BCL9: variants seen among roughly 807,000 people sequenced by gnomAD.
The protein encoded by BCL9 is B-cell CLL/lymphoma 9 protein.
In BCL9, 25 loss-of-function variants were observed where a neutral mutation model predicts 88.5. The ratio of observed to expected loss-of-function variants is 0.28; its 90% CI spans 0.21 to 0.39. The LOEUF is 0.39. Ranked by LOEUF, BCL9 falls within the 10% of genes least tolerant of loss-of-function variation. The pLI, the probability that BCL9 is intolerant of heterozygous loss-of-function variation, is 1.00. For missense variants in BCL9, 1,817 were observed against 1,877.8 expected (o/e 0.97, Z 0.60); for synonymous variants, 711 against 673.3 (o/e 1.06, Z -0.87).
At chr1:147,551,215 A>G (rs1553194773) in intron 1 of BCL9, among the ~76,000 whole-genome samples, 1 of 152,196 alleles carries the variant, frequency 6.6e-6, no homozygotes, top group Non-Finnish European at 1.5e-5. Flanking sequence ...TGCGGTCTAG[A>G]GAGTATAACT....
At position 147,622,255 on chromosome 1, in the gene BCL9, T is replaced by C; in HGVS notation, c.2903-16T>C. On this transcript the variant is annotated splice_polypyrimidine_tract_variant and intron_variant, in intron 8 of 9. Coordinates refer to ENST00000234739, the MANE Select transcript of BCL9 (RefSeq NM_004326.4). ...CTAATTCCCTGCCCGTTTTGTTTTA[T>C]TTTGCTTCCTTTTAGGTGGCCCCCC... 6.2e-7 allele frequency: 1 copy of C among 1,613,660 alleles called. No individual in the cohort carries two copies. Among genetic ancestry groups the C allele is most frequent in the Non-Finnish European group, 8.5e-7 (1 of 1,179,730 alleles).
intron 3 of BCL9, among the ~76,000 whole-genome samples, chr1:147,609,136 T>G (rs1285916368): frequency 6.6e-6 from 1 of 152,142 alleles, no homozygotes; most frequent in Non-Finnish European, 1.5e-5. Context: ...TTAGGAGATG[T>G]AGTTATGTTG....
chr1:147,617,458 C>G (rs1484765644), intron 7 of BCL9, among the ~76,000 whole-genome samples: 3 of 152,176 alleles, frequency 2.0e-5, no homozygotes, highest in South Asian at 4.1e-4. Context: ...GACCTCTACA[C>G]TCCAGTTAGG....
intron 1 of BCL9, among the ~76,000 whole-genome samples, chr1:147,597,495 T>C (rs781968252): frequency 3.3e-5 from 5 of 152,154 alleles, no homozygotes; most frequent in African/African-American, 4.8e-5. Context: ...ATTTCTAGAG[T>C]AGCAGTACCA....
At chr1:147,568,288 C>G (rs1173339035) in intron 1 of BCL9, among the ~76,000 whole-genome samples, 1 of 152,152 alleles carries the variant, frequency 6.6e-6, no homozygotes, top group Non-Finnish European at 1.5e-5. Flanking sequence ...TAAAATCTAA[C>G]AGCAAAATCT....
rs1482076166 is a variant in BCL9, at chr1:147,626,180, G to A, written c.*1221G>A. The A allele has an allele frequency of 1.5e-5, 3 of 196,478 alleles. No individual in the cohort carries two copies. The highest frequency in any genetic ancestry group is 3.2e-5 in the Non-Finnish European group (3 of 94,584). 12.2% of individuals were successfully genotyped at this position (196,478 alleles called of 1,614,324 possible). A position where few individuals can be genotyped will look rare whatever the true frequency, so the allele number is the denominator to read the frequency against. On this transcript the variant is annotated 3_prime_UTR_variant, in exon 10 of 10. Coordinates refer to ENST00000234739, the MANE Select transcript of BCL9 (RefSeq NM_004326.4). ...GTACAAAACCACTCGCCAGAGCTGT[G>A]GTGTCAGAAAAATAAAATATATTGT... is the stretch of plus-strand genomic sequence containing the variant.
At chr1:147,566,163 A>G (rs587664117) in intron 1 of BCL9, among the ~76,000 whole-genome samples, 3 of 152,298 alleles carry the variant, frequency 2.0e-5, no homozygotes, top group African/African-American at 4.8e-5. Flanking sequence ...AAGCATTTCT[A>G]AAGACAACAG....
chr1:147,576,232 T>C (rs1656106273), intron 1 of BCL9, among the ~76,000 whole-genome samples: 1 of 152,190 alleles, frequency 6.6e-6, no homozygotes, highest in Admixed American at 6.5e-5. Context: ...AATTAGTAGA[T>C]GATACTTGCA....
rs1294387421 is a variant in BCL9, at chr1:147,625,794, T to TCTCTCTTTCCCTTTGGCA, written c.*836_*853dup. ...CCCCGCTGGTGACCCTCTGCTTCCCTCTCTCTTTCCCTTTGGCAGCTGCAA... is the reference window on the plus strand; with the variant it reads ...CCCCGCTGGTGACCCTCTGCTTCCCTCTCTCTTTCCCTTTGGCACTCTCTTTCCCTTTGGCAGCTGCAA... On this transcript the variant is annotated 3_prime_UTR_variant, in exon 10 of 10. Coordinates refer to ENST00000234739, the MANE Select transcript of BCL9 (RefSeq NM_004326.4). The TCTCTCTTTCCCTTTGGCA allele has an allele frequency of 2.2e-4, 51 of 232,916 alleles. No individual in the cohort carries two copies. The highest frequency in any genetic ancestry group is 3.6e-4 in the South Asian group (2 of 5,524). 14.4% of individuals were successfully genotyped at this position (232,916 alleles called of 1,614,324 possible).
chr1:147,588,172 T>C (rs1557839337), intron 1 of BCL9, among the ~76,000 whole-genome samples: 1 of 152,164 alleles, frequency 6.6e-6, no homozygotes, highest in Admixed American at 6.5e-5. Flanking sequence ...GGATCCATAA[T>C]TGAAGGAAAT....
At chr1:147,569,215 C>T (rs1475776834) in intron 1 of BCL9, among the ~76,000 whole-genome samples, 3 of 151,598 alleles carry the variant, frequency 2.0e-5, no homozygotes, top group Non-Finnish European at 4.4e-5. Flanking sequence ...GGTCATGGAG[C>T]TATTAAAGAA....
intron 1 of BCL9, among the ~76,000 whole-genome samples, chr1:147,558,212 C>G (rs1553195671): frequency 1.3e-5 from 2 of 151,998 alleles, no homozygotes; most frequent in African/African-American, 4.8e-5. Context: ...AGTCAAATAG[C>G]ATGTAAGTGT....
intron 1 of BCL9, among the ~76,000 whole-genome samples, chr1:147,566,235 C>A (rs782779299): frequency 6.6e-6 from 1 of 152,138 alleles, no homozygotes; most frequent in Non-Finnish European, 1.5e-5. Flanking sequence ...TCTATTTCTC[C>A]AATATGCATT....
At position 147,612,983 on chromosome 1, in the gene BCL9, CA is replaced by C; in HGVS notation, c.155del (p.Gln52ArgfsTer34). ...LDSKFSNQGKQGGSASQSQPS... is the reference protein window; with the variant it reads ...LDSKFSNQGKXGGSASQSQPS... ...TTCCAAATTCTCCAATCAGGGTAAA[CA>C]GGGGGGCTCAGCCAGCCAATCCCAG... is the stretch of plus-strand genomic sequence containing the variant. On this transcript the variant is annotated frameshift_variant, in exon 5 of 10. Coordinates refer to ENST00000234739, the MANE Select transcript of BCL9 (RefSeq NM_004326.4). LOFTEE classifies it high-confidence loss of function. 6.2e-7 allele frequency: 1 copy of C among 1,610,238 alleles called. No homozygotes were observed. The highest frequency in any genetic ancestry group is 8.5e-7 in the Non-Finnish European group (1 of 1,178,224).
intron 1 of BCL9, among the ~76,000 whole-genome samples, chr1:147,560,862 T>A (rs1553196032): frequency 6.6e-6 from 1 of 152,192 alleles, no homozygotes; most frequent in African/African-American, 2.4e-5. Flanking sequence ...TTACAATATA[T>A]TAACAATATA....
chr1:147,611,515 T>C (rs1468328397), intron 3 of BCL9, 63 bp from the exon 4 acceptor site: 5 of 396,092 alleles, frequency 1.3e-5, no homozygotes, highest in African/African-American at 9.9e-5. Flanking sequence ...TTGATCCTGT[T>C]GTGAGGGTGT....
chr1:147,598,060 C>CA (rs1289640966), intron 1 of BCL9, among the ~76,000 whole-genome samples: 3 of 152,200 alleles, frequency 2.0e-5, no homozygotes, highest in African/African-American at 7.2e-5. Context: ...CTCTTATAGA[C>CA]AAGTTCTGTG....
At position 147,613,033 on chromosome 1, in the gene BCL9, T is replaced by TGGGG. The variant is rs1251540018; in HGVS notation, c.206_209dup (p.His71GlyfsTer5). ...AGCCATCCCCCTGTGACTCCAAGAG[T>TGGGG]GGGGGCCATACCCCTAAAGCACTCC... On this transcript the variant is annotated frameshift_variant, in exon 5 of 10. Transcript: ENST00000234739. LOFTEE classifies it high-confidence loss of function. 2 of 1,606,666 alleles carry TGGGG rather than the reference T, an allele frequency of 1.2e-6. No homozygotes were observed. Among genetic ancestry groups the TGGGG allele is most frequent in the African/African-American group, 2.7e-5 (2 of 74,500 alleles).
intron 1 of BCL9, among the ~76,000 whole-genome samples, chr1:147,583,615 C>T (rs1656466347): frequency 6.6e-6 from 1 of 151,722 alleles, no homozygotes; most frequent in South Asian, 2.1e-4. Context: ...TTTTTTTTTA[C>T]ATACAGAATT....
Sources: gnomAD v4.1 joint callset for allele counts (sites outside exome capture counted in the v4.1 genomes callset) on GRCh38, gnomAD v4.1.1 for gene constraint, MANE v1.5 for transcripts, NCBI Gene and HGNC (gene_info 2026-07-23, HGNC 2026-07-21) for gene names.